The following RIPPLY2 variants were observed in gnomAD, a reference collection of about 807,000 sequenced individuals.
RIPPLY2 encodes protein ripply2.
In RIPPLY2, 20 loss-of-function variants were observed where a neutral mutation model predicts 17.7. That is an observed-to-expected ratio of 1.13 (90% CI 0.79 to 1.64). The LOEUF (loss-of-function observed/expected upper bound fraction) is 1.64, where lower values mean the gene tolerates loss of function less well. RIPPLY2 is among the 40% of genes most tolerant of loss of function. The probability of loss-of-function intolerance (pLI) is 0.00; values close to 1 mark genes in which losing one functional copy is unlikely to be tolerated. For synonymous variants in RIPPLY2, 69 were observed against 63.9 expected (o/e 1.08, Z -0.38); for missense variants, 213 against 169.8 (o/e 1.25, Z -1.41).
chr6:83,853,998 G>T lies in RIPPLY2; in HGVS notation c.175-99G>T, dbSNP rs9444104. On this transcript the variant is annotated intron_variant, in intron 2 of 3. Coordinates refer to ENST00000369689, the MANE Select transcript of RIPPLY2 (RefSeq NM_001009994.3). ...GAGCGAGGCTGCTGAGAGCCCTGGG[G>T]TTACATTCCCAGCGGGCACGAGGAA... The T allele has an allele frequency of 4.0e-3, 5,017 of 1,244,892 alleles. 154 individuals are homozygous for T. The African/African-American group carries it at 0.065, about 16-fold the overall frequency. 77.1% of individuals were successfully genotyped at this position (1,244,892 alleles called of 1,614,324 possible).
chr6:83,856,227 C>G (rs77438468), intron 3 of RIPPLY2: 2 of 152,064 alleles, frequency 1.3e-5, no homozygotes, highest in African/African-American at 4.8e-5. Flanking sequence ...ATTTATTGAA[C>G]GACTGAATAA....
At chr6:83,854,619 A>T (rs1228433533) in intron 3 of RIPPLY2, 2 of 164,538 alleles carry the variant, frequency 1.2e-5, no homozygotes. Flanking sequence ...GAAAATCCTA[A>T]AGATTATTGA....
At chr6:83,856,290 G>A (rs1315109914) in intron 3 of RIPPLY2, 1 of 152,054 alleles carries the variant, frequency 6.6e-6, no homozygotes, top group Admixed American at 6.6e-5. Flanking sequence ...TATGATTTTT[G>A]CTGGAAACAT....
intron 1 of RIPPLY2, 27 bp downstream of exon 1, chr6:83,853,538 C>G: frequency 6.5e-7 from 1 of 1,536,098 alleles, no homozygotes; most frequent in South Asian, 1.2e-5. Context: ...TGCTCTGCGC[C>G]TCCCAGCTTC....
At chr6:83,854,021 G>T in intron 2 of RIPPLY2, 76 bp from the exon 3 acceptor site, 1 of 1,388,844 alleles carries the variant, frequency 7.2e-7, no homozygotes, top group Non-Finnish European at 1.0e-6. Flanking sequence ...CGGGCACGAG[G>T]AACACTGGGT....
At chr6:83,854,054 AAGG>A (rs1210989601) in intron 2 of RIPPLY2, 40 bp from the exon 3 acceptor site, 1 of 1,556,998 alleles carries the variant, frequency 6.4e-7, no homozygotes, top group Non-Finnish European at 8.9e-7. Context: ...CACTTTCTAG[AAGG>A]AGGTGGGTGA....
At chr6:83,856,749 A>C (rs1184535855) in intron 3 of RIPPLY2, 1 of 152,142 alleles carries the variant, frequency 6.6e-6, no homozygotes, top group African/African-American at 2.4e-5. Flanking sequence ...TACTTCTATA[A>C]GAGTTAAATC....
In RIPPLY2 at chr6:83,857,391, C is replaced by A. The variant is rs749305004; in HGVS notation, c.*2C>A. 2 of 1,565,974 alleles carry A rather than the reference C, an allele frequency of 1.3e-6. No individual in the cohort carries two copies. The highest frequency in any genetic ancestry group is 2.5e-5 in the South Asian group (2 of 81,030). ...GAGGATCTGACCTGTGAAAATTAAT[C>A]TGATTAGCTACTTTTGATTATATCC... On this transcript the variant is annotated 3_prime_UTR_variant, in exon 4 of 4. Transcript: ENST00000369689.
Position 83,853,392 on chromosome 6 carries a change from G to C in RIPPLY2, c.-25G>C. On this transcript the variant is annotated 5_prime_UTR_variant, in exon 1 of 4. Transcript: ENST00000369689. The stretch of plus-strand genomic sequence containing the variant: ...CAAGATTGCCCGCGAGCTGGCAGCG[G>C]CCTTCCGCCCAGCTCTGCGGCGTCA... The C allele has an allele frequency of 6.5e-7, 1 of 1,534,062 alleles. No homozygotes were observed. The highest frequency in any genetic ancestry group is 8.8e-7 in the Non-Finnish European group (1 of 1,140,496).
chr6:83,853,489 CG>C lies in RIPPLY2; in HGVS notation c.75del (p.Arg26AlafsTer40). 1 of 1,539,388 alleles carries C rather than the reference CG, an allele frequency of 6.5e-7. No individual in the cohort carries two copies. The highest frequency in any genetic ancestry group is 8.7e-7 in the Non-Finnish European group (1 of 1,145,452). ...GTGCGCGGCCACCGACGGCCCTACG[CG>C]GCGCGCGGGCGCGGACTCCGGGTAG... ...AACAATDGPT[R>X]RAGADSGYAG... On this transcript the variant is annotated frameshift_variant, in exon 1 of 4. Transcript: ENST00000369689. LOFTEE classifies it high-confidence loss of function.
intron 3 of RIPPLY2, chr6:83,855,680 C>T (rs1465618845): frequency 6.6e-6 from 1 of 152,036 alleles, no homozygotes; most frequent in Non-Finnish European, 1.5e-5. Flanking sequence ...AGTTAGGGGC[C>T]CAGAGTCAAG....
At chr6:83,857,096 G>A (rs965970146) in intron 3 of RIPPLY2, 146 bp from the exon 4 acceptor site, 2 of 447,194 alleles carry the variant, frequency 4.5e-6, no homozygotes, top group African/African-American at 2.0e-5. Flanking sequence ...GGCTGTGATA[G>A]TAGCATATTT....
chr6:83,855,354 AG>A (rs1306033189), intron 3 of RIPPLY2: 2 of 152,216 alleles, frequency 1.3e-5, no homozygotes, highest in South Asian at 2.1e-4. Context: ...GCAATTTTTC[AG>A]GTAAGAAATA....
chr6:83,853,413 C>A lies in RIPPLY2; in HGVS notation c.-4C>A. Reference sequence around the variant, plus strand: ...AGCGGCCTTCCGCCCAGCTCTGCGGCGTCATGGAGAACGCGGGAGGCGCAG... The same window carrying A: ...AGCGGCCTTCCGCCCAGCTCTGCGGAGTCATGGAGAACGCGGGAGGCGCAG... On this transcript the variant is annotated 5_prime_UTR_variant, in exon 1 of 4. Transcript: ENST00000369689. 1 of 1,542,408 alleles carries A rather than the reference C, an allele frequency of 6.5e-7. No homozygotes were observed. Among genetic ancestry groups the A allele is most frequent in the Non-Finnish European group, 8.7e-7 (1 of 1,145,970 alleles).
chr6:83,853,903 C>T (rs1434612991), intron 2 of RIPPLY2, 130 bp downstream of exon 2: 1 of 1,026,196 alleles, frequency 9.7e-7, no homozygotes. Flanking sequence ...ATCCCGCCTG[C>T]CGGTGGCCAT....
Position 83,853,761 on chromosome 6 carries a change from C to A in RIPPLY2, c.162C>A (p.His54Gln), listed in dbSNP as rs1194739778. Reference protein sequence around the residue: ...GGKKEEETPNHAAEAMPDGPG... With the variant: ...GGKKEEETPNQAAEAMPDGPG... ...AGAAAGAAGAGGAGACGCCGAACCA[C>A]GCCGCGGAGGCGGTGAGTGAGCCAC... The change falls in exon 2 of 4, where the codon CAC (histidine) becomes CAA (glutamine). Residue 54 changes from histidine (H) to glutamine (Q), a missense_variant. His to Gln is a conservative substitution (Grantham distance 24). Coordinates refer to ENST00000369689, the MANE Select transcript of RIPPLY2 (RefSeq NM_001009994.3). 3 of 1,612,898 alleles carry A rather than the reference C, an allele frequency of 1.9e-6. No homozygotes were observed. The highest frequency in any genetic ancestry group is 3.3e-5 in the Admixed American group (2 of 59,970).
intron 3 of RIPPLY2, chr6:83,854,419 G>A (rs931149605): frequency 3.8e-6 from 2 of 531,736 alleles, no homozygotes; most frequent in Non-Finnish European, 6.7e-6. Context: ...GGGATGATAT[G>A]GTAAGAGAGC....
chr6:83,854,750 A>G (rs578083367), intron 3 of RIPPLY2: 1 of 153,218 alleles, frequency 6.5e-6, no homozygotes, highest in Non-Finnish European at 1.5e-5. Flanking sequence ...TGAAATGTTA[A>G]GAATTCTGCA....
At chr6:83,853,550 C>G (rs774028187) in intron 1 of RIPPLY2, 39 bp downstream of exon 1, 1 of 1,535,768 alleles carries the variant, frequency 6.5e-7, no homozygotes, top group East Asian at 2.4e-5. Context: ...CCCAGCTTCC[C>G]CCGTCTCTCC....
Sources: allele counts gnomAD v4.1 joint callset, GRCh38; gene constraint gnomAD v4.1.1; transcripts MANE v1.5; gene names NCBI Gene and HGNC (gene_info 2026-07-23, HGNC 2026-07-21).